Variants in LINGO2 observed in about 807,000 individuals in gnomAD.
LINGO2 encodes leucine rich repeat and Ig domain containing 2, also known as leucine-rich repeat and immunoglobulin-like domain-containing nogo receptor-interacting protein 2.
A neutral mutation model predicts 30.6 loss-of-function variants in LINGO2; 14 were observed. The ratio of observed to expected loss-of-function variants is 0.46; its 90% CI spans 0.30 to 0.72. The LOEUF (loss-of-function observed/expected upper bound fraction) is 0.72, where lower values mean the gene tolerates loss of function less well. Among genes scored for constraint, LINGO2 ranks in the 30% least tolerant of loss-of-function variants. LINGO2 has a pLI of 0.07. For missense variants in LINGO2, 729 were observed against 751.7 expected (o/e 0.97, Z 0.35); for synonymous variants, 317 against 288.5 (o/e 1.10, Z -1.00).
chr9:27,962,547 C>A (rs1167297780), intron 5 of LINGO2, among the ~76,000 whole-genome samples: 1 of 152,110 alleles, frequency 6.6e-6, no homozygotes, highest in Non-Finnish European at 1.5e-5. Flanking sequence ...GAACTGCTCC[C>A]CCCCTTCTAC....
At chr9:28,259,515 T>C (rs911082563) in intron 4 of LINGO2, among the ~76,000 whole-genome samples, 14 of 151,210 alleles carry the variant, frequency 9.3e-5, no homozygotes, top group African/African-American at 3.4e-4. Context: ...ACAAGGTCTA[T>C]GAAGGAAACA....
At chr9:28,917,347 C>T in the LINGO2 span, among the ~76,000 whole-genome samples, 2 of 152,042 alleles carry the variant, frequency 1.3e-5, no homozygotes, top group Non-Finnish European at 2.9e-5. Flanking sequence ...TTGCTTCTCA[C>T]ATTTATTGTC....
At chr9:28,560,562 A>C (rs181807380) in intron 1 of LINGO2, among the ~76,000 whole-genome samples, 38 of 152,246 alleles carry the variant, frequency 2.5e-4, no homozygotes, top group African/African-American at 7.5e-4. Context: ...TTTCTAAAGA[A>C]TTATGACTAA....
chr9:29,187,531 A>G, the LINGO2 span, among the ~76,000 whole-genome samples: 12 of 152,244 alleles, frequency 7.9e-5, no homozygotes, highest in African/African-American at 2.4e-4. Flanking sequence ...GTTCCAAATT[A>G]GAAACATAAT....
At chr9:28,676,023 A>T in the LINGO2 span, among the ~76,000 whole-genome samples, 3 of 150,286 alleles carry the variant, frequency 2.0e-5, no homozygotes, top group African/African-American at 7.3e-5. Flanking sequence ...TAGCTGTTTC[A>T]ATTAATAATA....
intron 4 of LINGO2, among the ~76,000 whole-genome samples, chr9:28,199,209 C>T (rs545097923): frequency 1.3e-5 from 2 of 152,066 alleles, no homozygotes; most frequent in African/African-American, 4.8e-5. Flanking sequence ...TAGCACATTG[C>T]CTGGTGCATA....
chr9:28,476,483 G>A (rs1041125319), intron 1 of LINGO2, among the ~76,000 whole-genome samples: 5 of 152,080 alleles, frequency 3.3e-5, no homozygotes, highest in African/African-American at 1.2e-4. Flanking sequence ...CACCGTGTTA[G>A]CCAGGATGGT....
intron 5 of LINGO2, among the ~76,000 whole-genome samples, chr9:27,986,386 G>A (rs1247825641): frequency 2.0e-5 from 3 of 151,820 alleles, no homozygotes; most frequent in African/African-American, 2.4e-5. Flanking sequence ...CCTGTGACCC[G>A]TGGAAGCAGG....
intron 2 of LINGO2, among the ~76,000 whole-genome samples, chr9:28,459,036 A>C (rs961413665): frequency 5.3e-5 from 8 of 151,862 alleles, no homozygotes; most frequent in Non-Finnish European, 1.2e-4. Flanking sequence ...ATTATCCATA[A>C]AATAAAATCC....
chr9:28,280,282 A>C (rs1166359370), intron 4 of LINGO2, among the ~76,000 whole-genome samples: 2 of 152,190 alleles, frequency 1.3e-5, no homozygotes, highest in Non-Finnish European at 2.9e-5. Flanking sequence ...GATACATAAG[A>C]GTCCACAAGG....
chr9:28,565,534 G>C (rs182472180), intron 1 of LINGO2, among the ~76,000 whole-genome samples: 65 of 148,778 alleles, frequency 4.4e-4, no homozygotes, highest in Admixed American at 4.3e-3. Flanking sequence ...TAGAGACAGA[G>C]AGAAGGAGAG....
At chr9:28,339,817 A>C (rs1825708913) in intron 3 of LINGO2, among the ~76,000 whole-genome samples, 1 of 152,166 alleles carries the variant, frequency 6.6e-6, no homozygotes, top group South Asian at 2.1e-4. Context: ...ACAGGAGTCA[A>C]AGTTAGGAAG....
chr9:28,776,991 C>A, the LINGO2 span, among the ~76,000 whole-genome samples: 1 of 152,056 alleles, frequency 6.6e-6, no homozygotes, highest in Non-Finnish European at 1.5e-5. Flanking sequence ...ATAGTGAGTT[C>A]TCACGAGATC....
the LINGO2 span, among the ~76,000 whole-genome samples, chr9:28,992,416 G>A: frequency 2.0e-5 from 3 of 148,780 alleles, no homozygotes; most frequent in South Asian, 6.5e-4. Flanking sequence ...CAATAATAAT[G>A]GGAGACTTTA....
chr9:28,565,105 A>G (rs981077157), intron 1 of LINGO2, among the ~76,000 whole-genome samples: 2 of 152,182 alleles, frequency 1.3e-5, no homozygotes, highest in African/African-American at 2.4e-5. Flanking sequence ...TATTCCATTT[A>G]GAAATGATCT....
At chr9:29,047,763 A>C in the LINGO2 span, among the ~76,000 whole-genome samples, 1 of 152,202 alleles carries the variant, frequency 6.6e-6, no homozygotes, top group Non-Finnish European at 1.5e-5. Flanking sequence ...GTGATTTAAG[A>C]AATCAGTAAT....
At chr9:28,403,748 T>A (rs1822374740) in intron 2 of LINGO2, among the ~76,000 whole-genome samples, 1 of 151,856 alleles carries the variant, frequency 6.6e-6, no homozygotes, top group Non-Finnish European at 1.5e-5. Flanking sequence ...AGAAGCAGAG[T>A]TTACATAATA....
At chr9:28,436,225 A>G (rs1167891855) in intron 2 of LINGO2, among the ~76,000 whole-genome samples, 6 of 152,112 alleles carry the variant, frequency 3.9e-5, no homozygotes, top group African/African-American at 1.4e-4. Flanking sequence ...TACTCTTTAT[A>G]TAATAAAAAT....
At chr9:28,981,458 T>G in the LINGO2 span, among the ~76,000 whole-genome samples, 1 of 152,188 alleles carries the variant, frequency 6.6e-6, no homozygotes, top group Non-Finnish European at 1.5e-5. Flanking sequence ...CCCTTTTATT[T>G]AAAGCCATAT....
Sources: allele counts gnomAD v4.1 joint callset (sites outside exome capture counted in the v4.1 genomes callset), GRCh38; gene constraint gnomAD v4.1.1; transcripts MANE v1.5; gene names NCBI Gene and HGNC (gene_info 2026-07-23, HGNC 2026-07-21).